PDE4D: variants seen among roughly 807,000 people sequenced by gnomAD.
The protein encoded by PDE4D is phosphodiesterase 4D, also known as 3',5'-cyclic-AMP phosphodiesterase 4D.
In PDE4D, 24 loss-of-function variants were observed where a neutral mutation model predicts 87.4. The ratio of observed to expected loss-of-function variants is 0.27; its 90% CI spans 0.20 to 0.39. PDE4D has a LOEUF of 0.39. PDE4D is among the 10% of genes least tolerant of loss of function. PDE4D has a pLI of 1.00. For synonymous variants in PDE4D, 384 were observed against 383.2 expected, an observed-to-expected ratio of 1.00 and a Z score of -0.02; for missense variants, 714 against 1,041.0, an observed-to-expected ratio of 0.69 and a Z score of 4.32.
chr5:59,856,115 T>C (rs1448172217), intron 1 of PDE4D, among the ~76,000 whole-genome samples: 1 of 152,186 alleles, frequency 6.6e-6, no homozygotes, highest in African/African-American at 2.4e-5. Flanking sequence ...ATAAGAATCA[T>C]ATCATTTTTA....
intron 1 of PDE4D, among the ~76,000 whole-genome samples, chr5:60,483,302 C>A (rs1260693522): frequency 3.3e-5 from 5 of 152,082 alleles, no homozygotes; most frequent in Non-Finnish European, 7.4e-5. Context: ...TAGCTGGGAC[C>A]ACAGATGTGA....
intron 1 of PDE4D, among the ~76,000 whole-genome samples, chr5:59,796,290 C>T (rs1182570440): frequency 6.6e-6 from 1 of 152,170 alleles, no homozygotes; most frequent in Non-Finnish European, 1.5e-5. Context: ...TCCAATTATA[C>T]AAATTTACAG....
intron 1 of PDE4D, among the ~76,000 whole-genome samples, chr5:59,280,346 A>G (rs948176385): frequency 2.6e-5 from 4 of 152,172 alleles, no homozygotes; most frequent in African/African-American, 9.6e-5. Flanking sequence ...TAAAAGGTAC[A>G]GAATACTAGT....
chr5:59,791,191 T>C (rs1235238481), intron 1 of PDE4D, among the ~76,000 whole-genome samples: 1 of 152,246 alleles, frequency 6.6e-6, no homozygotes, highest in Non-Finnish European at 1.5e-5. Flanking sequence ...TTGAGAAATT[T>C]ACTGTTACAG....
intron 1 of PDE4D, among the ~76,000 whole-genome samples, chr5:59,796,285 T>C (rs1561676267): frequency 1.3e-5 from 2 of 152,196 alleles, no homozygotes; most frequent in Admixed American, 6.5e-5. Context: ...AGAAATCCAA[T>C]TATACAAATT....
rs140968011 is a variant in PDE4D, at chr5:60,457,002, C to T, written c.-90+30940G>A. Among the ~76,000 whole-genome samples, 624 of 152,218 alleles carry T rather than the reference C, an allele frequency of 4.1e-3. 6 individuals carry two copies. The highest frequency in any genetic ancestry group is 0.014 in the African/African-American group (596 of 41,536). Reference sequence around the variant, plus strand: ...TAGTGAGCTAGTGAGTGTTATCAGTCGAATAGGTCATCTACCCAACTTAAT... The same window carrying T: ...TAGTGAGCTAGTGAGTGTTATCAGTTGAATAGGTCATCTACCCAACTTAAT... On this transcript the variant is annotated intron_variant, in intron 1 of 16. Coordinates refer to the PDE4D transcript ENST00000502484.
chr5:59,284,387 C>T (rs1315824413), intron 1 of PDE4D, among the ~76,000 whole-genome samples: 1 of 152,148 alleles, frequency 6.6e-6, no homozygotes, highest in Non-Finnish European at 1.5e-5. Flanking sequence ...CTCCATAATG[C>T]TGTGAGTTTC....
intron 1 of PDE4D, among the ~76,000 whole-genome samples, chr5:59,302,324 C>T (rs974395778): frequency 1.3e-5 from 2 of 151,456 alleles, no homozygotes; most frequent in Non-Finnish European, 2.9e-5. Context: ...TGGTCCCTTC[C>T]GAATGTACTT....
chr5:59,440,391 G>A (rs963664127), intron 1 of PDE4D, among the ~76,000 whole-genome samples: 2 of 152,122 alleles, frequency 1.3e-5, no homozygotes, highest in African/African-American at 4.8e-5. Context: ...AAAATAATCA[G>A]TTACAAATGC....
chr5:59,428,827 T>C (rs7709897), intron 1 of PDE4D, among the ~76,000 whole-genome samples: 31,109 of 152,092 alleles, frequency 0.2, 3,408 homozygotes, highest in Admixed American at 0.24. Context: ...GTTAACTTTT[T>C]ATATAAAATT....
chr5:59,137,604 G>A (rs1777279011), intron 5 of PDE4D, among the ~76,000 whole-genome samples: 1 of 150,720 alleles, frequency 6.6e-6, no homozygotes, highest in Admixed American at 6.6e-5. Context: ...TCAGCTCGCT[G>A]CAAGCTCCGC....
intron 1 of PDE4D, among the ~76,000 whole-genome samples, chr5:60,222,092 G>T (rs537408342): frequency 9.5e-4 from 145 of 152,154 alleles, no homozygotes; most frequent in Non-Finnish European, 1.9e-3. Context: ...GAAATTAATA[G>T]GATATTTCAC....
Position 58,977,358 on chromosome 5 carries a change from C to T in PDE4D, c.1553-13G>A, listed in dbSNP as rs1309206760. On this transcript the variant is annotated splice_polypyrimidine_tract_variant and intron_variant, in intron 11 of 14. Transcript: ENST00000340635. ...GCAAGTTCAGAGTCTGTAAAAAAGA[C>T]AAAAGGCCAAAGATCAGCAAAACTG... 1 of 1,597,302 alleles carries T rather than the reference C, an allele frequency of 6.3e-7. No individual in the cohort carries two copies. The highest frequency in any genetic ancestry group is 1.8e-5 in the Admixed American group (1 of 55,258).
At chr5:59,822,510 C>T (rs1199896103) in intron 1 of PDE4D, among the ~76,000 whole-genome samples, 1 of 152,024 alleles carries the variant, frequency 6.6e-6, no homozygotes, top group Non-Finnish European at 1.5e-5. Flanking sequence ...AATATCTTAG[C>T]TTTTAGAAAA....
chr5:60,477,215 C>A (rs893081027), intron 1 of PDE4D, among the ~76,000 whole-genome samples: 2 of 152,088 alleles, frequency 1.3e-5, no homozygotes, highest in African/African-American at 4.8e-5. Flanking sequence ...GTAATAGCGG[C>A]TCCAAAATAC....
intron 1 of PDE4D, among the ~76,000 whole-genome samples, chr5:59,263,120 C>T (rs1345604692): frequency 1.3e-5 from 2 of 151,854 alleles, no homozygotes; most frequent in African/African-American, 4.8e-5. Flanking sequence ...CTGAAAAGTG[C>T]CATCTACTAA....
chr5:59,291,451 T>C (rs1767985019), intron 1 of PDE4D, among the ~76,000 whole-genome samples: 1 of 151,712 alleles, frequency 6.6e-6, no homozygotes. Flanking sequence ...GAGGGAAGGG[T>C]GGGATACTTA....
intron 3 of PDE4D, among the ~76,000 whole-genome samples, chr5:59,933,924 C>T (rs1410270052): frequency 6.6e-6 from 1 of 152,134 alleles, no homozygotes; most frequent in African/African-American, 2.4e-5. Flanking sequence ...GACTGAAGTG[C>T]TATCAAGCTT....
intron 2 of PDE4D, among the ~76,000 whole-genome samples, chr5:60,051,133 G>A (rs1770099116): frequency 6.6e-6 from 1 of 152,034 alleles, no homozygotes; most frequent in Admixed American, 6.6e-5. Flanking sequence ...ACACATCATT[G>A]AGACAGAAAA....
Sources: allele counts gnomAD v4.1 joint callset (sites outside exome capture counted in the v4.1 genomes callset), GRCh38; gene constraint gnomAD v4.1.1; transcripts MANE v1.5; gene names NCBI Gene and HGNC (gene_info 2026-07-23, HGNC 2026-07-21).